The following LRRTM4 variants were observed in gnomAD, a reference collection of about 807,000 sequenced individuals.
The protein encoded by LRRTM4 is leucine rich repeat transmembrane neuronal 4.
In LRRTM4, 25 loss-of-function variants were observed where a neutral mutation model predicts 47.6. The ratio of observed to expected loss-of-function variants is 0.53; its 90% CI spans 0.38 to 0.73. LRRTM4 has a LOEUF of 0.73. LRRTM4 is among the 30% of genes least tolerant of loss of function. The pLI is 0.00. For missense variants in LRRTM4, 638 were observed against 713.4 expected (o/e 0.89, Z 1.20); for synonymous variants, 311 against 269.5 (o/e 1.15, Z -1.51).
Position 77,519,904 on chromosome 2 carries a change from T to G in LRRTM4, c.5-40A>C. The G allele has an allele frequency of 6.6e-7, 1 of 1,505,158 alleles. No homozygotes were observed. The allele number at this position is 1,505,158 out of a possible 1,614,324, so 93.2% of individuals were successfully genotyped here. A position where few individuals can be genotyped will look rare whatever the true frequency, so the allele number is the denominator to read the frequency against. ...AAAAGACAGATGCACATTGTGAAGC[T>G]ATTAAAATAAATCACCGTCGGTTTA... On this transcript the variant is annotated intron_variant, in intron 2 of 3. Transcript: ENST00000409884. This position sits in a 1 kb window ranked among gnomAD's most constrained non-coding sequence, Gnocchi z 4.6.
intron 3 of LRRTM4, among the ~76,000 whole-genome samples, chr2:76,765,332 T>C (rs1673415103): frequency 6.6e-6 from 1 of 152,164 alleles, no homozygotes; most frequent in Non-Finnish European, 1.5e-5. Context: ...ATTTGAGAGT[T>C]TGGAGTTTAT....
At chr2:77,468,867 C>T (rs778067637) in intron 3 of LRRTM4, among the ~76,000 whole-genome samples, 109 of 152,194 alleles carry the variant, frequency 7.2e-4, no homozygotes, top group Non-Finnish European at 1.3e-3. Flanking sequence ...CAGAAAAGCT[C>T]AACCCTCAGT....
Position 76,905,110 on chromosome 2 carries a change from A to T in LRRTM4, c.1552-156194T>A, listed in dbSNP as rs1279670876. On this transcript the variant is annotated intron_variant, in intron 3 of 3. Transcript: ENST00000409884. ...CTAGGAGGCACCCCCCAGTAGGGGC[A>T]GACTGACACCTCACATGGCCGGGTA... Among the ~76,000 whole-genome samples the T allele has an allele frequency of 2.0e-5, 3 of 152,156 alleles. No homozygotes were observed. The East Asian group carries it at 5.8e-4, about 29-fold the overall frequency.
intron 3 of LRRTM4, among the ~76,000 whole-genome samples, chr2:76,844,481 GTTC>G (rs150267944): frequency 0.048 from 7,362 of 152,050 alleles, 426 homozygotes; most frequent in African/African-American, 0.12. Context: ...CACCATTTCT[GTTC>G]TTAAGAGACT....
chr2:76,900,679 C>G (rs180755740), intron 3 of LRRTM4, among the ~76,000 whole-genome samples: 1 of 152,008 alleles, frequency 6.6e-6, no homozygotes, highest in East Asian at 1.9e-4. Flanking sequence ...TTTAAAGTAA[C>G]TGAAAAAAAT....
intron 3 of LRRTM4, among the ~76,000 whole-genome samples, chr2:76,987,167 TATTA>T (rs1324465941): frequency 6.6e-6 from 1 of 151,854 alleles, no homozygotes; most frequent in African/African-American, 2.4e-5. Flanking sequence ...TTTACAGTAT[TATTA>T]ATTTTTATAT....
chr2:76,887,177 A>G (rs1673103852), intron 3 of LRRTM4, among the ~76,000 whole-genome samples: 1 of 151,832 alleles, frequency 6.6e-6, no homozygotes, highest in Admixed American at 6.6e-5. Context: ...AGAAGTATAC[A>G]TTATTCAAAA....
intron 3 of LRRTM4, among the ~76,000 whole-genome samples, chr2:77,022,497 G>A (rs1430911768): frequency 6.6e-6 from 1 of 152,096 alleles, no homozygotes; most frequent in East Asian, 1.9e-4. Flanking sequence ...GACAAGGCAA[G>A]TCCCTTCCAC....
At chr2:77,205,832 G>T (rs1674108539) in intron 3 of LRRTM4, among the ~76,000 whole-genome samples, 1 of 152,182 alleles carries the variant, frequency 6.6e-6, no homozygotes, top group South Asian at 2.1e-4. Context: ...ATTTGCTAAA[G>T]ATTGTGTCTC....
chr2:77,046,514 AATG>A (rs1186763352), intron 3 of LRRTM4, among the ~76,000 whole-genome samples: 7 of 152,002 alleles, frequency 4.6e-5, no homozygotes, highest in Non-Finnish European at 7.4e-5. Context: ...AGACAGTCTC[AATG>A]ATGATGTCCC....
chr2:76,984,221 A>T (rs995185168), intron 3 of LRRTM4, among the ~76,000 whole-genome samples: 44 of 152,172 alleles, frequency 2.9e-4, no homozygotes, highest in African/African-American at 1.0e-3. Flanking sequence ...TCACAGCTTT[A>T]TGATGTATTG....
chr2:77,462,309 C>G (rs938102749), intron 3 of LRRTM4, among the ~76,000 whole-genome samples: 2 of 152,048 alleles, frequency 1.3e-5, no homozygotes, highest in African/African-American at 4.8e-5. Flanking sequence ...CCAAATCTTT[C>G]AAGGGAATTA....
At chr2:77,241,116 A>C (rs529856757) in intron 3 of LRRTM4, among the ~76,000 whole-genome samples, 36 of 152,110 alleles carry the variant, frequency 2.4e-4, no homozygotes, top group Non-Finnish European at 4.7e-4. Flanking sequence ...GAAAAATCAA[A>C]GAACAAAGTT....
chr2:77,032,399 T>TTA (rs1678692065), intron 3 of LRRTM4, among the ~76,000 whole-genome samples: 1 of 152,166 alleles, frequency 6.6e-6, no homozygotes, highest in Admixed American at 6.5e-5. Context: ...CATTGGACTA[T>TTA]TATATGTCTA....
In LRRTM4 at chr2:77,049,067, C is replaced by G. The variant is rs565924534; in HGVS notation, c.1552-300151G>C. On this transcript the variant is annotated intron_variant, in intron 3 of 3. Transcript: ENST00000409884. ...TTTCATTTAATATATCTGAGCTCAT[C>G]CGTGTTGCTGTGAATGACAGTTTGT... 5.3e-4 allele frequency among the ~76,000 whole-genome samples: 76 copies of G among 144,744 alleles called. 1 individual carries two copies. In the Middle Eastern group the frequency reaches 0.025, roughly 48 times the overall value. The allele number at this position is 144,744 out of a possible 152,430, so 95.0% of individuals were successfully genotyped here.
rs1227473558 is a variant in LRRTM4 at position 77,212,493 on chromosome 2, AGC to A, written c.1551+305823_1551+305824del. On this transcript the variant is annotated intron_variant, in intron 3 of 3. Transcript: ENST00000409884. ...TATATATAGAGAGAGAGAGAGAGAG[AGC>A]GAGAGAGTTAATCTCGTGTATATAT... Among the ~76,000 whole-genome samples the A allele has an allele frequency of 4.1e-3, 613 of 148,822 alleles. 2 individuals are homozygous for A. The highest frequency in any genetic ancestry group is 0.014 in the African/African-American group (573 of 40,296).
intron 3 of LRRTM4, among the ~76,000 whole-genome samples, chr2:77,016,366 A>G (rs999109216): frequency 6.7e-6 from 1 of 149,674 alleles, no homozygotes; most frequent in African/African-American, 2.5e-5. Flanking sequence ...GCCTGGCGAC[A>G]GAGGGAGAAC....
At chr2:77,003,387 G>A (rs1294182516) in intron 3 of LRRTM4, among the ~76,000 whole-genome samples, 2 of 152,090 alleles carry the variant, frequency 1.3e-5, no homozygotes, top group African/African-American at 4.8e-5. Flanking sequence ...ACCTTGAATT[G>A]TAATAATCCC....
intron 3 of LRRTM4, among the ~76,000 whole-genome samples, chr2:76,790,403 C>T (rs1674910971): frequency 1.3e-5 from 2 of 151,490 alleles, no homozygotes; most frequent in Admixed American, 6.6e-5. Flanking sequence ...GGAACTAATT[C>T]TCTCTGGACT....
Sources: allele counts gnomAD v4.1 joint callset (sites outside exome capture counted in the v4.1 genomes callset), GRCh38; gene constraint gnomAD v4.1.1; non-coding constraint Gnocchi (gnomAD v3.1); transcripts MANE v1.5; gene names NCBI Gene and HGNC (gene_info 2026-07-23, HGNC 2026-07-21).